RGS7: variants seen among roughly 807,000 people sequenced by gnomAD.
The protein encoded by RGS7 is regulator of G-protein signaling 7.
RGS7 carries 27 observed loss-of-function variants against 81.1 expected under a neutral mutation model. That is an observed-to-expected ratio of 0.33 (90% confidence interval 0.25 to 0.46). The LOEUF (loss-of-function observed/expected upper bound fraction) is 0.46, where lower values mean the gene tolerates loss of function less well. Ranked by LOEUF, RGS7 falls within the 20% of genes least tolerant of loss-of-function variation. The pLI, the probability that RGS7 is intolerant of heterozygous loss-of-function variation, is 1.00. For missense variants in RGS7, 396 were observed against 607.4 expected (o/e 0.65, Z 3.66); for synonymous variants, 208 against 207.7 (o/e 1.00, Z -0.01).
intron 2 of RGS7, among the ~76,000 whole-genome samples, chr1:241,236,866 G>T (rs1247716170): frequency 6.6e-6 from 1 of 152,160 alleles, no homozygotes; most frequent in East Asian, 1.9e-4. Flanking sequence ...TTCAATGTGT[G>T]TACATTCTAG....
chr1:240,857,561 A>G (rs1661370739), intron 9 of RGS7, among the ~76,000 whole-genome samples: 1 of 147,424 alleles, frequency 6.8e-6, no homozygotes, highest in Admixed American at 6.7e-5. Context: ...TTTCCCTTCA[A>G]CCCTTCATCT....
At chr1:240,983,002 T>G in intron 4 of RGS7, 77 bp downstream of exon 4, 1 of 821,214 alleles carries the variant, frequency 1.2e-6, no homozygotes, top group Non-Finnish European at 2.1e-6. Flanking sequence ...CGTGCCATAT[T>G]AAAATATCCC....
intron 18 of RGS7, among the ~76,000 whole-genome samples, chr1:240,794,763 C>T (rs536312522): frequency 9.3e-4 from 141 of 152,270 alleles, no homozygotes; most frequent in African/African-American, 3.1e-3. Flanking sequence ...GATTCCCAGA[C>T]GTGGCACCTG....
chr1:240,783,130 A>G (rs1304387113), intron 18 of RGS7, among the ~76,000 whole-genome samples: 1 of 152,232 alleles, frequency 6.6e-6, no homozygotes, highest in East Asian at 1.9e-4. Flanking sequence ...CAATAATTAC[A>G]TAAACAAAGA....
intron 2 of RGS7, among the ~76,000 whole-genome samples, chr1:241,204,938 A>T (rs2073776446): frequency 6.6e-6 from 1 of 152,206 alleles, no homozygotes; most frequent in Non-Finnish European, 1.5e-5. Flanking sequence ...ACACATATGT[A>T]TATGTATACT....
chr1:240,822,654 A>C (rs1692016841), intron 10 of RGS7, among the ~76,000 whole-genome samples: 1 of 152,220 alleles, frequency 6.6e-6, no homozygotes, highest in Non-Finnish European at 1.5e-5. Flanking sequence ...TTTTCATCTC[A>C]AACTAGTGAT....
chr1:241,263,228 G>T (rs542642647), intron 2 of RGS7, among the ~76,000 whole-genome samples: 1 of 152,254 alleles, frequency 6.6e-6, no homozygotes, highest in African/African-American at 2.4e-5. Flanking sequence ...AGTGACCCGA[G>T]ATCTCGCCAC....
chr1:240,838,573 T>C (rs754503280), intron 9 of RGS7, among the ~76,000 whole-genome samples: 23 of 152,154 alleles, frequency 1.5e-4, no homozygotes, highest in Non-Finnish European at 1.9e-4. Context: ...AGAAAAGAGA[T>C]TTTTACATAA....
intron 3 of RGS7, among the ~76,000 whole-genome samples, chr1:241,008,028 G>A (rs1183215990): frequency 6.6e-6 from 1 of 152,082 alleles, no homozygotes; most frequent in Non-Finnish European, 1.5e-5. Context: ...ATAAAGTTAG[G>A]CAAATTCTGC....
At chr1:240,968,549 T>TAAA (rs10699651) in intron 4 of RGS7, among the ~76,000 whole-genome samples, 2 of 148,804 alleles carry the variant, frequency 1.3e-5, no homozygotes, top group South Asian at 2.1e-4. Flanking sequence ...ACTGCAAAAT[T>TAAA]AAAAAAAAAA....
At chr1:241,174,195 G>C (rs1441800290) in intron 2 of RGS7, among the ~76,000 whole-genome samples, 2 of 152,214 alleles carry the variant, frequency 1.3e-5, no homozygotes, top group South Asian at 4.1e-4. Context: ...ATTCTTAGCA[G>C]TTCTAGGACA....
chr1:241,228,644 C>T (rs2075469199), intron 2 of RGS7, among the ~76,000 whole-genome samples: 1 of 151,968 alleles, frequency 6.6e-6, no homozygotes, highest in Admixed American at 6.6e-5. Context: ...GATCCAGATG[C>T]ACAGTTAATA....
At chr1:240,962,823 C>T (rs1681682492) in intron 4 of RGS7, among the ~76,000 whole-genome samples, 1 of 152,140 alleles carries the variant, frequency 6.6e-6, no homozygotes, top group African/African-American at 2.4e-5. Context: ...ATTTGAGAAA[C>T]CACTATCAGT....
intron 2 of RGS7, among the ~76,000 whole-genome samples, chr1:241,272,192 A>G (rs146208506): frequency 6.6e-6 from 1 of 151,766 alleles, no homozygotes; most frequent in African/African-American, 2.4e-5. Context: ...ATGGGGTTTC[A>G]CCGTGTTAGC....
chr1:241,235,301 T>C (rs2075867604), intron 2 of RGS7, among the ~76,000 whole-genome samples: 1 of 152,212 alleles, frequency 6.6e-6, no homozygotes, highest in Non-Finnish European at 1.5e-5. Flanking sequence ...ATAATCTAAC[T>C]TCCAACTTGG....
At chr1:240,947,735 T>C (rs1572909597) in intron 4 of RGS7, among the ~76,000 whole-genome samples, 1 of 152,206 alleles carries the variant, frequency 6.6e-6, no homozygotes, top group Non-Finnish European at 1.5e-5. Flanking sequence ...TTAAAACATA[T>C]ATTAGATCAA....
rs539619259 is a variant in RGS7 at position 241,106,040 on chromosome 1, A to G, written c.79-7278T>C. 3.3e-5 allele frequency among the ~76,000 whole-genome samples: 5 copies of G among 152,342 alleles called. No homozygotes were observed. The South Asian group carries it at 1.0e-3, about 32-fold the overall frequency. ...CAGTTAGGTGGTGGCAGGTTTTCATAATTTAAATTCGCCTATAACTCTTTT... is the reference window on the plus strand; with the variant it reads ...CAGTTAGGTGGTGGCAGGTTTTCATGATTTAAATTCGCCTATAACTCTTTT... On this transcript the variant is annotated intron_variant, in intron 2 of 18. Transcript: ENST00000440928.
At chr1:241,122,332 T>C (rs1240749245) in intron 2 of RGS7, among the ~76,000 whole-genome samples, 1 of 152,154 alleles carries the variant, frequency 6.6e-6, no homozygotes, top group Non-Finnish European at 1.5e-5. Context: ...GATAAACTCA[T>C]CATAAGTTGA....
At chr1:240,853,399 C>T (rs1341931452) in intron 9 of RGS7, among the ~76,000 whole-genome samples, 3 of 152,226 alleles carry the variant, frequency 2.0e-5, no homozygotes, top group Middle Eastern at 3.4e-3. Context: ...TCAACGACAG[C>T]GTAAGATACA....
Sources: gnomAD v4.1 joint callset for allele counts (sites outside exome capture counted in the v4.1 genomes callset) on GRCh38, gnomAD v4.1.1 for gene constraint, MANE v1.5 for transcripts, NCBI Gene and HGNC (gene_info 2026-07-23, HGNC 2026-07-21) for gene names.